Variants in PCDHA2 observed in about 807,000 individuals in gnomAD.
The protein encoded by PCDHA2 is protocadherin alpha-2.
In PCDHA2, 58 loss-of-function variants were observed where a neutral mutation model predicts 66.0. That is an observed-to-expected ratio of 0.88 (90% CI 0.71 to 1.09). The LOEUF (loss-of-function observed/expected upper bound fraction) is 1.09, where lower values mean the gene tolerates loss of function less well. Ranked by LOEUF, PCDHA2 falls within the 50% of genes least tolerant of loss-of-function variation. The pLI is 0.00. For missense variants in PCDHA2, 1,267 were observed against 1,242.3 expected (o/e 1.02, Z -0.30); for synonymous variants, 634 against 554.0 (o/e 1.14, Z -2.03).
intron 1 of PCDHA2, chr5:140,852,584 T>TTA (rs2042387314): frequency 1.2e-6 from 1 of 824,154 alleles, no homozygotes. Context: ...GCTTTTTTAT[T>TTA]TTTTTTTTTT....
intron 1 of PCDHA2, among the ~76,000 whole-genome samples, chr5:140,893,709 G>A (rs141117049): frequency 6.6e-6 from 1 of 152,250 alleles, no homozygotes; most frequent in East Asian, 1.9e-4. Flanking sequence ...AGCCTGTAAA[G>A]CTTCTGCTGA....
intron 1 of PCDHA2, among the ~76,000 whole-genome samples, chr5:140,821,171 C>G (rs1442179324): frequency 6.6e-6 from 1 of 151,960 alleles, no homozygotes; most frequent in Non-Finnish European, 1.5e-5. Context: ...TACAAACATT[C>G]CATTGACTAA....
chr5:140,826,677 TA>T (rs1447627266), intron 1 of PCDHA2, among the ~76,000 whole-genome samples: 1 of 152,092 alleles, frequency 6.6e-6, no homozygotes, highest in Non-Finnish European at 1.5e-5. Context: ...TAGACGTAAT[TA>T]AAAAAACCCA....
chr5:140,869,546 C>A (rs201504685), intron 1 of PCDHA2: 3 of 1,614,170 alleles, frequency 1.9e-6, no homozygotes, highest in East Asian at 4.5e-5. Flanking sequence ...TCTAAGCAAT[C>A]GGACTCGCGT....
chr5:140,896,485 C>T (rs1259028670), intron 1 of PCDHA2, among the ~76,000 whole-genome samples: 1 of 152,032 alleles, frequency 6.6e-6, no homozygotes, highest in African/African-American at 2.4e-5. Flanking sequence ...GCCTCAGCCT[C>T]CTGAGTAGCT....
At chr5:140,801,809 C>T in intron 1 of PCDHA2, 1 of 1,613,994 alleles carries the variant, frequency 6.2e-7, no homozygotes, top group Non-Finnish European at 8.5e-7. Context: ...ATCGAGAGGA[C>T]ACTCCTAAGC....
chr5:140,852,048 G>T, intron 1 of PCDHA2: 1 of 917,014 alleles, frequency 1.1e-6, no homozygotes, highest in Non-Finnish European at 1.3e-6. Flanking sequence ...TTGTTATGTG[G>T]TTTATATTTT....
At chr5:141,004,564 T>C (rs1205705593) in intron 3 of PCDHA2, among the ~76,000 whole-genome samples, 1 of 152,196 alleles carries the variant, frequency 6.6e-6, no homozygotes, top group Non-Finnish European at 1.5e-5. Flanking sequence ...AAGATGAACA[T>C]ATCTCTGTGT....
chr5:140,870,195 C>T, intron 1 of PCDHA2: 1 of 1,614,178 alleles, frequency 6.2e-7, no homozygotes, highest in Non-Finnish European at 8.5e-7. Flanking sequence ...ACGCTCAGCC[C>T]AGCACGGTCA....
In PCDHA2 at chr5:140,849,164, T is replaced by A. The variant is rs2150431781; in HGVS notation, c.2388+51812T>A. On this transcript the variant is annotated intron_variant, in intron 1 of 3. Transcript: ENST00000526136. The stretch of plus-strand genomic sequence containing the variant: ...CCGATGGAGGCAAACCCGAGCTGAC[T>A]GGCACCGTTCAATTACTCATCACGG... 2.2e-5 allele frequency: 26 copies of A among 1,167,304 alleles called. No homozygotes were observed. In the East Asian group the frequency reaches 6.1e-4, roughly 28 times the overall value. 72.3% of individuals were successfully genotyped at this position (1,167,304 alleles called of 1,614,324 possible).
In PCDHA2 at chr5:140,935,562, C is replaced by T. The variant is rs180759633; in HGVS notation, c.2389-43387C>T. Among the ~76,000 whole-genome samples, 423 of 152,262 alleles carry T rather than the reference C, an allele frequency of 2.8e-3. 2 individuals carry two copies. The highest frequency in any genetic ancestry group is 0.014 in the Middle Eastern group (4 of 294). On this transcript the variant is annotated intron_variant, in intron 1 of 3. Transcript: ENST00000526136. Reference sequence around the variant, plus strand: ...TGTTTTAAAGTATCTTGGAAAAGTTCCTCTCTGTGTAGTTAAGCCACCAGC... The same window carrying T: ...TGTTTTAAAGTATCTTGGAAAAGTTTCTCTCTGTGTAGTTAAGCCACCAGC...
chr5:140,838,077 AGTGTGTG>A (rs1241834179), intron 1 of PCDHA2, among the ~76,000 whole-genome samples: 11 of 80,662 alleles, frequency 1.4e-4, no homozygotes, highest in African/African-American at 1.8e-4. Context: ...ATATATATAT[AGTGTGTG>A]TGTGTGTGTG....
rs781874469 is a variant in PCDHA2 at position 140,967,699 on chromosome 5, T to A, written c.2389-11250T>A. On this transcript the variant is annotated intron_variant, in intron 1 of 3. Coordinates refer to ENST00000526136, the MANE Select transcript of PCDHA2 (RefSeq NM_018905.3). ...GGGAGAGGCAGCTCTTCAGCATAGA[T>A]GCCAGTACCGGGGAAGTGCGAGTAA... The A allele has an allele frequency of 1.2e-6, 2 of 1,614,154 alleles. No individual in the cohort carries two copies. Among genetic ancestry groups the A allele is most frequent in the Non-Finnish European group, 1.7e-6 (2 of 1,180,034 alleles).
At chr5:140,874,317 A>G (rs1423586280) in intron 1 of PCDHA2, among the ~76,000 whole-genome samples, 2 of 151,836 alleles carry the variant, frequency 1.3e-5, no homozygotes, top group Admixed American at 1.3e-4. Flanking sequence ...GAGTTGTAGG[A>G]TCTTATCTGT....
intron 1 of PCDHA2, chr5:140,967,436 C>A (rs781894469): frequency 1.2e-6 from 2 of 1,613,378 alleles, no homozygotes; most frequent in Non-Finnish European, 8.5e-7. Flanking sequence ...AGCCTTGCAC[C>A]ACCTGGTTCT....
At chr5:140,947,767 C>A (rs1585277827) in intron 1 of PCDHA2, among the ~76,000 whole-genome samples, 1 of 151,486 alleles carries the variant, frequency 6.6e-6, no homozygotes, top group East Asian at 1.9e-4. Context: ...TTAAAAAATT[C>A]TATTGTAAAT....
chr5:140,821,661 C>A, intron 1 of PCDHA2: 1 of 1,207,804 alleles, frequency 8.3e-7, no homozygotes, highest in Non-Finnish European at 1.2e-6. Flanking sequence ...TTTGGCTGTG[C>A]CAAGAAGCTC....
At chr5:140,841,306 GAAACGACT>G in intron 1 of PCDHA2, 2 of 1,580,012 alleles carry the variant, frequency 1.3e-6, no homozygotes, top group Non-Finnish European at 1.7e-6. Flanking sequence ...TTTCTGATAG[GAAACGACT>G]ATTTAACATG....
chr5:140,841,492 G>T, intron 1 of PCDHA2: 1 of 1,613,200 alleles, frequency 6.2e-7, no homozygotes. Flanking sequence ...TGGAGCTGGC[G>T]GAGCTGGTGC....
Sources: allele counts gnomAD v4.1 joint callset (sites outside exome capture counted in the v4.1 genomes callset), GRCh38; gene constraint gnomAD v4.1.1; transcripts MANE v1.5; gene names NCBI Gene and HGNC (gene_info 2026-07-23, HGNC 2026-07-21).